Variants in CFAP299 observed in about 807,000 individuals in gnomAD.
CFAP299 encodes cilia- and flagella-associated protein 299.
A neutral mutation model predicts 27.0 loss-of-function variants in CFAP299; 21 were observed. That is an observed-to-expected ratio of 0.78 (90% CI 0.55 to 1.12). CFAP299 has a LOEUF of 1.12. Ranked by LOEUF, CFAP299 falls within the 50% of genes most tolerant of loss-of-function variation. The probability of loss-of-function intolerance (pLI) is 0.00; values close to 1 mark genes in which losing one functional copy is unlikely to be tolerated. For missense variants in CFAP299, 310 were observed against 276.6 expected, an observed-to-expected ratio of 1.12 and a Z score of -0.86; for synonymous variants, 104 against 98.1, an observed-to-expected ratio of 1.06 and a Z score of -0.36.
chr4:80,692,254 A>G (rs1177429593), intron 3 of CFAP299, among the ~76,000 whole-genome samples: 2 of 152,220 alleles, frequency 1.3e-5, no homozygotes, highest in East Asian at 3.8e-4. Flanking sequence ...CTGAGCCAAA[A>G]GAACAAAGCT....
intron 3 of CFAP299, among the ~76,000 whole-genome samples, chr4:80,827,752 A>T (rs1000902124): frequency 2.0e-5 from 3 of 152,008 alleles, no homozygotes; most frequent in Non-Finnish European, 4.4e-5. Context: ...GGAAAGGAGG[A>T]ATAAAATTAT....
chr4:80,465,303 C>A (rs1729648106), intron 2 of CFAP299, among the ~76,000 whole-genome samples: 1 of 152,088 alleles, frequency 6.6e-6, no homozygotes, highest in African/African-American at 2.4e-5. Flanking sequence ...ATAAAAACTT[C>A]TAAACAGAAC....
At chr4:80,740,513 T>C (rs903532771) in intron 3 of CFAP299, among the ~76,000 whole-genome samples, 2 of 152,184 alleles carry the variant, frequency 1.3e-5, no homozygotes, top group African/African-American at 2.4e-5. Flanking sequence ...GAACTGGGCA[T>C]GTGATGATGC....
intron 2 of CFAP299, among the ~76,000 whole-genome samples, chr4:80,463,182 A>G (rs955912337): frequency 9.2e-5 from 14 of 152,136 alleles, no homozygotes; most frequent in African/African-American, 3.1e-4. Flanking sequence ...TGTCTTTTTA[A>G]CACAAGACTT....
intron 3 of CFAP299, among the ~76,000 whole-genome samples, chr4:80,688,870 C>A (rs1487662432): frequency 6.6e-6 from 1 of 151,868 alleles, no homozygotes; most frequent in East Asian, 1.9e-4. Flanking sequence ...AGCTGAAAAC[C>A]AAGGCTCGAG....
intron 3 of CFAP299, among the ~76,000 whole-genome samples, chr4:80,747,024 A>G (rs1724649641): frequency 6.6e-6 from 1 of 152,010 alleles, no homozygotes; most frequent in Non-Finnish European, 1.5e-5. Context: ...TTGGGCTCTG[A>G]ACCCAAGAAG....
chr4:80,399,374 A>G (rs542358710), intron 2 of CFAP299, among the ~76,000 whole-genome samples: 3 of 152,308 alleles, frequency 2.0e-5, no homozygotes, highest in African/African-American at 4.8e-5. Flanking sequence ...TCAGGCTGCT[A>G]TACAGACACA....
At chr4:80,689,908 A>C (rs1720535412) in intron 3 of CFAP299, among the ~76,000 whole-genome samples, 1 of 151,886 alleles carries the variant, frequency 6.6e-6, no homozygotes, top group Admixed American at 6.6e-5. Context: ...CTCTGATAAA[A>C]CAGACTTTAA....
At chr4:80,785,159 G>A (rs567303352) in intron 3 of CFAP299, among the ~76,000 whole-genome samples, 11 of 148,548 alleles carry the variant, frequency 7.4e-5, no homozygotes, top group African/African-American at 2.7e-4. Context: ...TTTTTTAGGA[G>A]TTTTATGGTT....
chr4:80,322,520 CT>C, the CFAP299 span, among the ~76,000 whole-genome samples: 61 of 149,992 alleles, frequency 4.1e-4, no homozygotes, highest in East Asian at 2.1e-3. Flanking sequence ...TCTTAAAATA[CT>C]TTTTTTTTTC....
intron 4 of CFAP299, among the ~76,000 whole-genome samples, chr4:80,882,544 A>C (rs1160918503): frequency 2.0e-5 from 3 of 152,084 alleles, no homozygotes; most frequent in Non-Finnish European, 2.9e-5. Context: ...AGGCTGAGGC[A>C]GGAGAATGGC....
chr4:80,331,719 G>T (rs138265689), upstream of CFAP299, among the ~76,000 whole-genome samples: 1 of 152,268 alleles, frequency 6.6e-6, no homozygotes, highest in Non-Finnish European at 1.5e-5. Flanking sequence ...ACAAAAAGAG[G>T]AAAATTTTCA....
Position 80,863,804 on chromosome 4 carries a change from T to G in CFAP299, c.334-6189T>G, listed in dbSNP as rs1478503718. 2.0e-5 allele frequency among the ~76,000 whole-genome samples: 3 copies of G among 152,140 alleles called. No individual in the cohort carries two copies. In the East Asian group the frequency reaches 5.8e-4, roughly 29 times the overall value. ...CTAAGGAAAATATGAATTTTGGAAG[T>G]TTTTCCTTTATAAACATAGCATCAT... On this transcript the variant is annotated intron_variant, in intron 3 of 5. Coordinates refer to ENST00000358105, the MANE Select transcript of CFAP299 (RefSeq NM_152770.3).
chr4:80,495,745 T>C (rs1200110695), intron 2 of CFAP299, among the ~76,000 whole-genome samples: 2 of 152,250 alleles, frequency 1.3e-5, no homozygotes, highest in African/African-American at 2.4e-5. Flanking sequence ...AATTGGCTTA[T>C]GGTTCTGCTG....
chr4:80,528,510 C>T (rs116114072), intron 2 of CFAP299, among the ~76,000 whole-genome samples: 108 of 152,212 alleles, frequency 7.1e-4, no homozygotes, highest in African/African-American at 2.4e-3. Flanking sequence ...TGGCTGCTAT[C>T]GTCCCACTCC....
chr4:80,887,920 T>G (rs1217014637), intron 4 of CFAP299, among the ~76,000 whole-genome samples: 3 of 152,004 alleles, frequency 2.0e-5, no homozygotes, highest in Admixed American at 2.0e-4. Context: ...AAATAATGGG[T>G]TATGAGACAG....
intron 3 of CFAP299, among the ~76,000 whole-genome samples, chr4:80,627,726 A>G (rs1738983429): frequency 6.6e-6 from 1 of 151,998 alleles, no homozygotes; most frequent in African/African-American, 2.4e-5. Flanking sequence ...GAACAAGAGA[A>G]CCATACCATT....
At chr4:80,906,529 C>T (rs1267570606) in intron 4 of CFAP299, among the ~76,000 whole-genome samples, 1 of 152,238 alleles carries the variant, frequency 6.6e-6, no homozygotes, top group East Asian at 1.9e-4. Flanking sequence ...CAGTTGTTCC[C>T]CTTGAGGGCT....
At chr4:80,470,208 C>A (rs1729925554) in intron 2 of CFAP299, among the ~76,000 whole-genome samples, 1 of 152,010 alleles carries the variant, frequency 6.6e-6, no homozygotes, top group Admixed American at 6.6e-5. Context: ...ATGTTCAGAT[C>A]CCTCACAATG....
Sources: gnomAD v4.1 joint callset for allele counts (sites outside exome capture counted in the v4.1 genomes callset) on GRCh38, gnomAD v4.1.1 for gene constraint, MANE v1.5 for transcripts, NCBI Gene and HGNC (gene_info 2026-07-23, HGNC 2026-07-21) for gene names.